The following VWA8 variants were observed in gnomAD, a reference collection of about 807,000 sequenced individuals.
The protein encoded by VWA8 is von Willebrand factor A domain containing 8, also known as von Willebrand factor A domain-containing protein 8.
VWA8 carries 221 observed loss-of-function variants against 241.5 expected under a neutral mutation model. The observed-to-expected ratio is 0.91, with a 90% CI of 0.82 to 1.02. The LOEUF is 1.02. Among genes scored for constraint, VWA8 ranks in the 50% least tolerant of loss-of-function variants. The pLI is 0.00. For missense variants in VWA8, 2,322 were observed against 2,328.7 expected (o/e 1.00, Z 0.06); for synonymous variants, 852 against 827.1 (o/e 1.03, Z -0.52).
intron 26 of VWA8, among the ~76,000 whole-genome samples, chr13:41,714,764 A>G (rs573693979): frequency 4.6e-5 from 7 of 152,002 alleles, no homozygotes; most frequent in Non-Finnish European, 8.8e-5. Context: ...CTTCGTGGTT[A>G]CTCTTCACTT....
At chr13:41,952,554 T>C (rs1878181705) in intron 1 of VWA8, among the ~76,000 whole-genome samples, 1 of 152,202 alleles carries the variant, frequency 6.6e-6, no homozygotes, top group Non-Finnish European at 1.5e-5. Context: ...CTGAAAAGAC[T>C]GTAATTATTT....
rs541996734 is a variant in VWA8, at chr13:41,679,571, T to A, written c.4328-4275A>T. Reference sequence around the variant, plus strand: ...CTGTGGTTTAAAAGAAGCTAGCATTTAGCTAGAAGAAAAACAGTTGGAAGA... The same window carrying A: ...CTGTGGTTTAAAAGAAGCTAGCATTAAGCTAGAAGAAAAACAGTTGGAAGA... On this transcript the variant is annotated intron_variant, in intron 35 of 44. Transcript: ENST00000379310. 2.6e-5 allele frequency among the ~76,000 whole-genome samples: 4 copies of A among 152,214 alleles called. No individual in the cohort carries two copies. The South Asian group carries it at 8.3e-4, about 32-fold the overall frequency.
chr13:41,573,574 A>G (rs867043212), intron 43 of VWA8, among the ~76,000 whole-genome samples: 2 of 137,404 alleles, frequency 1.5e-5, no homozygotes, highest in South Asian at 4.5e-4. Context: ...ATATATATGT[A>G]TATATATAAA....
chr13:41,850,389 C>T (rs1416042448), intron 12 of VWA8, among the ~76,000 whole-genome samples: 1 of 152,170 alleles, frequency 6.6e-6, no homozygotes, highest in Non-Finnish European at 1.5e-5. Flanking sequence ...TGGTATCAGG[C>T]AGCCCCCTAG....
chr13:41,777,985 CT>C lies in VWA8; in HGVS notation c.2348del (p.Gln783ArgfsTer3), dbSNP rs745572438. 6.2e-7 allele frequency: 1 copy of C among 1,608,370 alleles called. No individual in the cohort carries two copies. The highest frequency in any genetic ancestry group is 1.7e-5 in the Admixed American group (1 of 59,380). ...TACCTAGATTTTAGCCATAACTCAC[CT>C]GGTTGCCAACCAATAATAAGTGTTC... ...LGEHLLLVGN[Q>X]GVGKNKIVDR... On this transcript the variant is annotated frameshift_variant and splice_region_variant, in exon 20 of 45. Coordinates refer to ENST00000379310, the MANE Select transcript of VWA8 (RefSeq NM_015058.2). LOFTEE classifies it high-confidence loss of function.
intron 34 of VWA8, 131 bp downstream of exon 34, chr13:41,689,223 G>A: frequency 9.8e-7 from 1 of 1,021,652 alleles, no homozygotes; most frequent in Non-Finnish European, 1.4e-6. Flanking sequence ...GACTGATTTG[G>A]AAGGAAGACT....
intron 37 of VWA8, among the ~76,000 whole-genome samples, chr13:41,659,955 C>T (rs2044937533): frequency 6.6e-6 from 1 of 152,312 alleles, no homozygotes; most frequent in Admixed American, 6.5e-5. Flanking sequence ...GGTTTCTCTA[C>T]TTTTCTCCAT....
chr13:41,570,275 T>C (rs950698595), intron 44 of VWA8, among the ~76,000 whole-genome samples, 193 bp downstream of exon 44: 1 of 152,206 alleles, frequency 6.6e-6, no homozygotes, highest in African/African-American at 2.4e-5. Flanking sequence ...AAAATTATTA[T>C]TGTTCATCTA....
intron 21 of VWA8, among the ~76,000 whole-genome samples, chr13:41,747,482 C>T (rs1250276075): frequency 6.6e-6 from 1 of 152,154 alleles, no homozygotes; most frequent in Non-Finnish European, 1.5e-5. Context: ...TGTCCATCAG[C>T]TTAAGGAGAT....
At chr13:41,853,566 T>C (rs1872610392) in intron 12 of VWA8, among the ~76,000 whole-genome samples, 4 of 152,168 alleles carry the variant, frequency 2.6e-5, no homozygotes, top group Non-Finnish European at 5.9e-5. Flanking sequence ...TCATTATTGA[T>C]TTGTTCTCAT....
chr13:41,725,717 A>G (rs999794212), intron 24 of VWA8, among the ~76,000 whole-genome samples: 2 of 152,206 alleles, frequency 1.3e-5, no homozygotes, highest in Non-Finnish European at 2.9e-5. Flanking sequence ...GTATTCTTAC[A>G]GGCATTAAAA....
At chr13:41,578,017 T>G (rs2044361210) in intron 42 of VWA8, among the ~76,000 whole-genome samples, 1 of 152,200 alleles carries the variant, frequency 6.6e-6, no homozygotes, top group African/African-American at 2.4e-5. Flanking sequence ...CATCTATCAT[T>G]TGATTGTGTG....
intron 26 of VWA8, chr13:41,719,317 C>T: frequency 1.6e-6 from 2 of 1,237,010 alleles, no homozygotes; most frequent in Non-Finnish European, 2.0e-6. Context: ...CATAGTAATT[C>T]AACAAAAGGA....
At chr13:41,758,857 GT>G (rs1241603294) in intron 21 of VWA8, among the ~76,000 whole-genome samples, 2 of 151,212 alleles carry the variant, frequency 1.3e-5, no homozygotes, top group African/African-American at 4.8e-5. Flanking sequence ...TGTAATTTAT[GT>G]GATATTTTAT....
intron 40 of VWA8, among the ~76,000 whole-genome samples, chr13:41,596,006 A>C (rs1034354790): frequency 3.3e-5 from 5 of 152,054 alleles, no homozygotes; most frequent in Admixed American, 2.0e-4. Flanking sequence ...GCTTAAAATA[A>C]TTTTTTTAGC....
At chr13:41,674,024 T>A (rs543664711) in intron 36 of VWA8, among the ~76,000 whole-genome samples, 1 of 152,240 alleles carries the variant, frequency 6.6e-6, no homozygotes, top group South Asian at 2.1e-4. Flanking sequence ...TTAATGAGCA[T>A]ATAATTAAGA....
At chr13:41,656,285 C>T (rs552446675) in intron 37 of VWA8, among the ~76,000 whole-genome samples, 3 of 152,292 alleles carry the variant, frequency 2.0e-5, no homozygotes, top group Admixed American at 6.5e-5. Flanking sequence ...GATTTTCCTA[C>T]GAGGGTTCTA....
chr13:41,737,449 C>T (rs566613176), intron 21 of VWA8, among the ~76,000 whole-genome samples: 16 of 152,310 alleles, frequency 1.1e-4, no homozygotes, highest in African/African-American at 3.8e-4. Context: ...AGTGGCATCC[C>T]ATACCCTAGC....
At chr13:41,836,982 C>G (rs930443825) in intron 12 of VWA8, among the ~76,000 whole-genome samples, 3 of 152,072 alleles carry the variant, frequency 2.0e-5, no homozygotes, top group Non-Finnish European at 2.9e-5. Context: ...TGTATACCAT[C>G]ATATTAGAAA....
Sources: allele counts gnomAD v4.1 joint callset (sites outside exome capture counted in the v4.1 genomes callset), GRCh38; gene constraint gnomAD v4.1.1; transcripts MANE v1.5; gene names NCBI Gene and HGNC (gene_info 2026-07-23, HGNC 2026-07-21).